The following TBC1D15 variants were observed in gnomAD, a reference collection of about 807,000 sequenced individuals.
TBC1D15 encodes TBC1 domain family member 15, also known as GAP for RAB7.
In TBC1D15, 39 loss-of-function variants were observed where a neutral mutation model predicts 95.4. That is an observed-to-expected ratio of 0.41 (90% CI 0.32 to 0.53). TBC1D15 has a LOEUF of 0.53. Ranked by LOEUF, TBC1D15 falls within the 20% of genes least tolerant of loss-of-function variation. The pLI, the probability that TBC1D15 is intolerant of heterozygous loss-of-function variation, is 0.29. For synonymous variants in TBC1D15, 258 were observed against 261.3 expected (o/e 0.99, Z 0.12); for missense variants, 733 against 794.3 (o/e 0.92, Z 0.93).
chr12:71,890,335 A>G (rs953876054), intron 5 of TBC1D15, among the ~76,000 whole-genome samples: 8 of 152,172 alleles, frequency 5.3e-5, no homozygotes, highest in Admixed American at 1.3e-4. Context: ...GACCACAAAG[A>G]AGAGTAGTCA....
chr12:71,844,263 G>A lies in TBC1D15; in HGVS notation c.30+4452G>A, dbSNP rs562606963. On this transcript the variant is annotated intron_variant, in intron 1 of 16. Transcript: ENST00000485960. ...AAAAGGCAAATTTCTAGTTGCGTTT[G>A]TCTGTCTTCAGGATAAATTTCAAAC... Among the ~76,000 whole-genome samples the A allele has an allele frequency of 4.1e-4, 62 of 152,284 alleles. 1 individual carries two copies. In the South Asian group the frequency reaches 5.2e-3, roughly 13 times the overall value.
intron 6 of TBC1D15, among the ~76,000 whole-genome samples, chr12:71,893,709 G>A (rs755752631): frequency 9.2e-5 from 14 of 151,832 alleles, no homozygotes; most frequent in Non-Finnish European, 1.8e-4. Context: ...TAAGTAGATT[G>A]TTTTGACGTC....
chr12:71,852,092 C>G (rs1236202164), intron 1 of TBC1D15, among the ~76,000 whole-genome samples: 1 of 152,264 alleles, frequency 6.6e-6, no homozygotes, highest in East Asian at 1.9e-4. Context: ...CAGAGACTCT[C>G]AAGCTTCAGC....
At chr12:71,861,890 TTTTG>T (rs1453549353) in intron 1 of TBC1D15, among the ~76,000 whole-genome samples, 2 of 148,592 alleles carry the variant, frequency 1.3e-5, no homozygotes, top group African/African-American at 2.5e-5. Context: ...GTGTTTCTAT[TTTTG>T]TTTGTTTCAA....
intron 9 of TBC1D15, among the ~76,000 whole-genome samples, chr12:71,897,448 G>A (rs1898424132): frequency 1.3e-5 from 2 of 151,756 alleles, no homozygotes; most frequent in African/African-American, 4.8e-5. Flanking sequence ...TAAACTGCTT[G>A]GAAATGGAAC....
At chr12:71,900,904 A>C (rs1356983061) in intron 10 of TBC1D15, among the ~76,000 whole-genome samples, 1 of 152,202 alleles carries the variant, frequency 6.6e-6, no homozygotes, top group Non-Finnish European at 1.5e-5. Flanking sequence ...ACTCCTGTTC[A>C]GTGTAGTATT....
At chr12:71,896,161 T>C in intron 8 of TBC1D15, 86 bp downstream of exon 8, 1 of 1,347,436 alleles carries the variant, frequency 7.4e-7, no homozygotes, top group Non-Finnish European at 9.9e-7. Flanking sequence ...TTGGTGTGTT[T>C]TTTTTTGTTG....
chr12:71,911,865 A>C (rs953231044), intron 11 of TBC1D15, among the ~76,000 whole-genome samples: 1 of 152,196 alleles, frequency 6.6e-6, no homozygotes, highest in Admixed American at 6.5e-5. Context: ...GCTAAGACTT[A>C]ACAGAAGAAA....
At chr12:71,876,846 T>A (rs1459375865) in intron 3 of TBC1D15, among the ~76,000 whole-genome samples, 2 of 151,396 alleles carry the variant, frequency 1.3e-5, no homozygotes, top group African/African-American at 4.9e-5. Flanking sequence ...AGTCTCTCTC[T>A]GTCTCCCAGG....
chr12:71,859,568 G>T (rs551908262), intron 1 of TBC1D15, among the ~76,000 whole-genome samples: 1 of 151,978 alleles, frequency 6.6e-6, no homozygotes, highest in South Asian at 2.1e-4. Context: ...ACATTTTCTT[G>T]TAGTAGTTTC....
At chr12:71,897,789 C>T in intron 9 of TBC1D15, 58 bp from the exon 10 acceptor site, 2 of 1,273,150 alleles carry the variant, frequency 1.6e-6, no homozygotes, top group Admixed American at 1.8e-5. Context: ...CCCAATTAAA[C>T]AGTGTTAAAA....
intron 3 of TBC1D15, among the ~76,000 whole-genome samples, chr12:71,878,287 C>G (rs965408451): frequency 1.3e-5 from 2 of 152,112 alleles, no homozygotes; most frequent in African/African-American, 4.8e-5. Context: ...TTCCAAAACT[C>G]CAGCCTTTTG....
At chr12:71,861,981 C>G (rs1890482610) in intron 1 of TBC1D15, among the ~76,000 whole-genome samples, 1 of 152,022 alleles carries the variant, frequency 6.6e-6, no homozygotes, top group Non-Finnish European at 1.5e-5. Flanking sequence ...TGTATTTGTA[C>G]AAATTTGCAA....
chr12:71,872,082 C>T lies in TBC1D15; in HGVS notation c.43C>T (p.Gln15Ter). 1 of 1,521,522 alleles carries T rather than the reference C, an allele frequency of 6.6e-7. No homozygotes were observed. The allele number at this position is 1,521,522 out of a possible 1,614,324, so 94.3% of individuals were successfully genotyped here. ...TTTGCTGTTTTAGATTATATATGAA[C>T]AAGAAGGAGTATATATTCACTCATC... is the stretch of plus-strand genomic sequence containing the variant. ...GVVSGKIIYE[Q>*]EGVYIHSSCG... is the part of the protein sequence containing the mutation. The change falls in exon 2 of 17, where the codon CAA (glutamine) becomes TAA (stop). Residue 15 changes from glutamine to a stop codon, truncating the protein, a stop_gained. Transcript: ENST00000485960. LOFTEE classifies it high-confidence loss of function.
At chr12:71,904,885 A>T (rs961581781) in intron 10 of TBC1D15, among the ~76,000 whole-genome samples, 2 of 152,210 alleles carry the variant, frequency 1.3e-5, no homozygotes, top group African/African-American at 4.8e-5. Context: ...ATAGAGCAGG[A>T]TTGCCAAACA....
In TBC1D15 at chr12:71,865,285, CA is replaced by C. The variant is rs1891249590; in HGVS notation, c.31-6784del. Among the ~76,000 whole-genome samples the C allele has an allele frequency of 2.6e-5, 4 of 152,302 alleles. No homozygotes were observed. The South Asian group carries it at 8.3e-4, about 32-fold the overall frequency. ...GAGTCACTCTCTAGCAGCTTGGGCC[CA>C]GGGGGCTGGGTTGTAGCTGTGATTC... On this transcript the variant is annotated intron_variant, in intron 1 of 16. Transcript: ENST00000485960.
At chr12:71,865,694 T>C (rs558201811) in intron 1 of TBC1D15, among the ~76,000 whole-genome samples, 1 of 152,216 alleles carries the variant, frequency 6.6e-6, no homozygotes, top group South Asian at 2.1e-4. Flanking sequence ...AGCAAGGTAC[T>C]AGAGTTGTTT....
chr12:71,855,631 GCACT>G (rs1214513311), intron 1 of TBC1D15, among the ~76,000 whole-genome samples: 1 of 129,774 alleles, frequency 7.7e-6, no homozygotes, highest in African/African-American at 3.0e-5. Context: ...TCGCACCACT[GCACT>G]CCAGCCTGGG....
chr12:71,914,612 G>A (rs1566072621), intron 12 of TBC1D15, among the ~76,000 whole-genome samples: 1 of 151,914 alleles, frequency 6.6e-6, no homozygotes, highest in African/African-American at 2.4e-5. Flanking sequence ...CTAGATAAAG[G>A]CAGATGAAGT....
Sources: allele counts gnomAD v4.1 joint callset (sites outside exome capture counted in the v4.1 genomes callset), GRCh38; gene constraint gnomAD v4.1.1; transcripts MANE v1.5; gene names NCBI Gene and HGNC (gene_info 2026-07-23, HGNC 2026-07-21).